The following KCNH1 variants were observed in gnomAD, a reference collection of about 807,000 sequenced individuals.
The protein encoded by KCNH1 is voltage-gated delayed rectifier potassium channel KCNH1.
In KCNH1, 27 loss-of-function variants were observed where a neutral mutation model predicts 69.2. That is an observed-to-expected ratio of 0.39 (90% CI 0.29 to 0.54). The LOEUF is 0.54. KCNH1 is among the 20% of genes least tolerant of loss of function. The probability of loss-of-function intolerance (pLI) is 0.68; values close to 1 mark genes in which losing one functional copy is unlikely to be tolerated. For missense variants in KCNH1, 798 were observed against 1,261.6 expected (o/e 0.63, Z 5.57); for synonymous variants, 456 against 487.7 (o/e 0.93, Z 0.86).
intron 5 of KCNH1, among the ~76,000 whole-genome samples, chr1:211,081,012 C>A (rs944846691): frequency 2.6e-5 from 4 of 151,642 alleles, no homozygotes; most frequent in African/African-American, 9.7e-5. Flanking sequence ...AAAGAAACTA[C>A]CATCAGAGTG....
rs550941200 is a variant in KCNH1, at chr1:210,712,438, C to T, written c.2113-28300G>A. ...GGGAGAGTGGGAATAGAGCCCAGGA[C>T]ACTGCTTAGAGGCTCACAGCAGAAC... On this transcript the variant is annotated intron_variant, in intron 10 of 10. Coordinates refer to ENST00000271751, the MANE Select transcript of KCNH1 (RefSeq NM_172362.3). Among the ~76,000 whole-genome samples the T allele has an allele frequency of 9.2e-5, 14 of 152,230 alleles. No individual in the cohort carries two copies. The South Asian group carries it at 2.9e-3, about 32-fold the overall frequency.
chr1:210,739,836 G>C (rs151003445), intron 10 of KCNH1, among the ~76,000 whole-genome samples: 1 of 152,290 alleles, frequency 6.6e-6, no homozygotes, highest in African/African-American at 2.4e-5. Flanking sequence ...TCTCTTGTGA[G>C]CTTGGGGAGG....
intron 10 of KCNH1, among the ~76,000 whole-genome samples, chr1:210,704,806 C>G (rs1574194048): frequency 6.6e-6 from 1 of 152,138 alleles, no homozygotes. Flanking sequence ...TATTTAAACC[C>G]AGTTCCACTG....
Position 210,900,838 on chromosome 1 carries a change from C to G in KCNH1, c.1462+18802G>C, listed in dbSNP as rs141103780. 2.0e-5 allele frequency among the ~76,000 whole-genome samples: 3 copies of G among 152,236 alleles called. 1 individual carries two copies. Among genetic ancestry groups the G allele is most frequent in the African/African-American group, 7.2e-5 (3 of 41,540 alleles). On this transcript the variant is annotated intron_variant, in intron 7 of 10. Coordinates refer to ENST00000271751, the MANE Select transcript of KCNH1 (RefSeq NM_172362.3). ...GTGCTTTGTTCTCCATTCTTCCCAT[C>G]CTCCTTCTCCTCAACCTAGCCAGAC...
At chr1:210,897,950 G>A (rs1477888026) in intron 7 of KCNH1, among the ~76,000 whole-genome samples, 1 of 152,182 alleles carries the variant, frequency 6.6e-6, no homozygotes, top group Non-Finnish European at 1.5e-5. Context: ...ACCCCTGGAG[G>A]GGTAAGTGGC....
intron 6 of KCNH1, among the ~76,000 whole-genome samples, chr1:210,965,401 T>C (rs1688380165): frequency 6.6e-6 from 1 of 152,080 alleles, no homozygotes; most frequent in Non-Finnish European, 1.5e-5. Context: ...ACTTCAGCAG[T>C]CTCATGGTAA....
intron 5 of KCNH1, among the ~76,000 whole-genome samples, chr1:211,026,377 A>C (rs1176783481): frequency 3.2e-5 from 2 of 61,568 alleles, no homozygotes; most frequent in Non-Finnish European, 5.7e-5. Flanking sequence ...GAGTATAGAC[A>C]AAAAAAAAAA....
chr1:210,803,952 C>G lies in KCNH1; in HGVS notation c.1662+15G>C. ...AAAAGACAAATGGTTTCCCTGAGCTCCTCATCCTCCTTACCTTCTCTGTGT... is the reference window on the plus strand; with the variant it reads ...AAAAGACAAATGGTTTCCCTGAGCTGCTCATCCTCCTTACCTTCTCTGTGT... On this transcript the variant is annotated intron_variant, in intron 8 of 10. Transcript: ENST00000271751. 1.2e-6 allele frequency: 2 copies of G among 1,611,146 alleles called. No individual in the cohort carries two copies. Among genetic ancestry groups the G allele is most frequent in the South Asian group, 1.1e-5 (1 of 90,760 alleles).
In KCNH1 at chr1:211,115,730, T is replaced by C. The variant is rs61848606; in HGVS notation, c.80-8353A>G. 3.3e-3 allele frequency among the ~76,000 whole-genome samples: 290 copies of C among 86,940 alleles called. 7 individuals carry two copies. The highest frequency in any genetic ancestry group is 0.01 in the African/African-American group (135 of 13,410). 57.0% of individuals were successfully genotyped at this position (86,940 alleles called of 152,430 possible). On this transcript the variant is annotated intron_variant, in intron 1 of 10. Transcript: ENST00000271751. ...ATATATATATATGTATATATATATA[T>C]ACACACACACACACACATACACATC...
intron 10 of KCNH1, among the ~76,000 whole-genome samples, chr1:210,751,127 C>T (rs1683274801): frequency 2.0e-5 from 3 of 152,156 alleles, no homozygotes; most frequent in African/African-American, 2.4e-5. Flanking sequence ...AGAGTTATGT[C>T]TGGGGTTCCA....
intron 5 of KCNH1, among the ~76,000 whole-genome samples, chr1:211,059,889 C>A (rs1193474522): frequency 1.3e-5 from 2 of 152,126 alleles, no homozygotes; most frequent in African/African-American, 4.8e-5. Flanking sequence ...ACAGACCTAA[C>A]AAATGTTTAC....
chr1:210,895,128 A>G (rs1686835964), intron 7 of KCNH1, among the ~76,000 whole-genome samples: 1 of 146,856 alleles, frequency 6.8e-6, no homozygotes, highest in Admixed American at 6.7e-5. Context: ...ATTGTTTTAT[A>G]TATTTTGTTA....
chr1:210,774,281 T>C (rs201763732), intron 10 of KCNH1, among the ~76,000 whole-genome samples: 2 of 152,150 alleles, frequency 1.3e-5, no homozygotes, highest in African/African-American at 2.4e-5. Flanking sequence ...TTGGAGCCCA[T>C]TGCATGATCC....
intron 7 of KCNH1, among the ~76,000 whole-genome samples, chr1:210,900,669 T>C (rs1413780736): frequency 6.6e-6 from 1 of 152,166 alleles, no homozygotes; most frequent in African/African-American, 2.4e-5. Context: ...AAGGTCACGA[T>C]GGAACAAGAA....
intron 7 of KCNH1, among the ~76,000 whole-genome samples, chr1:210,822,899 C>T (rs1236344494): frequency 6.6e-6 from 1 of 152,152 alleles, no homozygotes; most frequent in Non-Finnish European, 1.5e-5. Context: ...GCAAACATGC[C>T]TTATTCCCCC....
At chr1:210,844,143 G>A (rs990898223) in intron 7 of KCNH1, among the ~76,000 whole-genome samples, 1 of 152,108 alleles carries the variant, frequency 6.6e-6, no homozygotes, top group African/African-American at 2.4e-5. Flanking sequence ...ATCTGCTGGG[G>A]CAAGGGAAAA....
At chr1:211,104,011 A>C (rs1161932573) in intron 2 of KCNH1, among the ~76,000 whole-genome samples, 2 of 152,196 alleles carry the variant, frequency 1.3e-5, no homozygotes, top group Non-Finnish European at 2.9e-5. Flanking sequence ...GCTGAGAGAA[A>C]GAAGGAGAAA....
intron 6 of KCNH1, among the ~76,000 whole-genome samples, chr1:211,012,866 A>C (rs563202554): frequency 1.1e-4 from 16 of 152,208 alleles, no homozygotes; most frequent in Non-Finnish European, 2.4e-4. Flanking sequence ...GTTAATAGAG[A>C]GGAAACTGTG....
intron 7 of KCNH1, among the ~76,000 whole-genome samples, chr1:210,807,894 C>T (rs980190912): frequency 2.0e-5 from 3 of 152,162 alleles, no homozygotes; most frequent in African/African-American, 7.2e-5. Flanking sequence ...AAGGGAAGGA[C>T]TGAGGACACA....
Sources: gnomAD v4.1 joint callset for allele counts (sites outside exome capture counted in the v4.1 genomes callset) on GRCh38, gnomAD v4.1.1 for gene constraint, MANE v1.5 for transcripts, NCBI Gene and HGNC (gene_info 2026-07-23, HGNC 2026-07-21) for gene names.